The following NRF1 variants were observed in gnomAD, a reference collection of about 807,000 sequenced individuals.
The protein encoded by NRF1 is nuclear respiratory factor 1, also known as alpha palindromic-binding protein.
A neutral mutation model predicts 58.5 loss-of-function variants in NRF1; 5 were observed. The observed-to-expected ratio is 0.09, with a 90% CI of 0.04 to 0.18. The LOEUF (loss-of-function observed/expected upper bound fraction) is 0.18. Ranked by LOEUF, NRF1 falls within the 10% of genes least tolerant of loss-of-function variation. The pLI is 1.00. For synonymous variants in NRF1, 224 were observed against 246.7 expected (o/e 0.91, Z 0.86); for missense variants, 288 against 657.7 (o/e 0.44, Z 6.15).
At chr7:129,675,638 G>T (rs1480411897) in intron 3 of NRF1, among the ~76,000 whole-genome samples, 1 of 152,194 alleles carries the variant, frequency 6.6e-6, no homozygotes, top group Non-Finnish European at 1.5e-5. Context: ...TAGGTGCATT[G>T]TCAATGTGCA....
intron 6 of NRF1, 150 bp from the exon 7 acceptor site, chr7:129,710,224 A>G: frequency 1.5e-6 from 1 of 658,844 alleles, no homozygotes; most frequent in African/African-American, 1.8e-5. Flanking sequence ...TTTCTACCAG[A>G]ACCAGTCTGT....
intron 1 of NRF1, among the ~76,000 whole-genome samples, chr7:129,635,740 G>GT (rs1363858549): frequency 6.6e-6 from 1 of 152,098 alleles, no homozygotes; most frequent in Admixed American, 6.5e-5. Context: ...CCCCCAAGTG[G>GT]TTGTCTAGGT....
chr7:129,619,113 A>G (rs901640274), intron 1 of NRF1, among the ~76,000 whole-genome samples: 11 of 152,022 alleles, frequency 7.2e-5, no homozygotes, highest in Non-Finnish European at 1.6e-4. Context: ...AAGAGCATCT[A>G]CATCTGAGGG....
intron 4 of NRF1, among the ~76,000 whole-genome samples, chr7:129,686,341 AAT>A (rs1802443608): frequency 6.6e-6 from 1 of 152,124 alleles, no homozygotes; most frequent in Non-Finnish European, 1.5e-5. Context: ...AAAAATAAAT[AAT>A]TGGAAAGATT....
chr7:129,682,651 AAG>A (rs1802346735), intron 4 of NRF1, among the ~76,000 whole-genome samples: 1 of 150,066 alleles, frequency 6.7e-6, no homozygotes, highest in Non-Finnish European at 1.5e-5. Flanking sequence ...AAAAAAAAAA[AAG>A]GATCTGGGTG....
chr7:129,723,581 C>T (rs1406205333), intron 9 of NRF1, among the ~76,000 whole-genome samples: 3 of 151,996 alleles, frequency 2.0e-5, no homozygotes, highest in African/African-American at 4.8e-5. Flanking sequence ...TACTTTAAAG[C>T]ACTTTAAAAT....
intron 2 of NRF1, among the ~76,000 whole-genome samples, chr7:129,667,595 A>G (rs1279018101): frequency 1.3e-5 from 2 of 151,720 alleles, no homozygotes; most frequent in Non-Finnish European, 2.9e-5. Flanking sequence ...TTTTATTTAT[A>G]TTATTGTGAA....
At chr7:129,745,008 A>G (rs536410763) in intron 10 of NRF1, among the ~76,000 whole-genome samples, 73 of 152,242 alleles carry the variant, frequency 4.8e-4, no homozygotes, top group African/African-American at 1.6e-3. Context: ...TTGAAGAAAA[A>G]AAAAAGTTTG....
At chr7:129,631,278 G>T (rs1801042842) in intron 1 of NRF1, among the ~76,000 whole-genome samples, 1 of 150,004 alleles carries the variant, frequency 6.7e-6, no homozygotes, top group Non-Finnish European at 1.5e-5. Flanking sequence ...TTGTTACCCT[G>T]ATGTGATCAC....
At chr7:129,744,367 T>A (rs1474553242) in intron 10 of NRF1, 1 of 632,568 alleles carries the variant, frequency 1.6e-6, no homozygotes, top group African/African-American at 1.8e-5. Flanking sequence ...ACCTGATAGT[T>A]TTAGTAACCA....
intron 2 of NRF1, among the ~76,000 whole-genome samples, chr7:129,664,075 A>C (rs1019984780): frequency 2.2e-4 from 32 of 143,440 alleles, no homozygotes; most frequent in African/African-American, 7.6e-4. Flanking sequence ...CAGGGAGCGG[A>C]GATCTTGGCA....
At chr7:129,656,602 T>C (rs1189637659) in intron 1 of NRF1, among the ~76,000 whole-genome samples, 1 of 151,744 alleles carries the variant, frequency 6.6e-6, no homozygotes, top group African/African-American at 2.4e-5. Flanking sequence ...TGAGACAGAG[T>C]CTTGCTCTGT....
intron 10 of NRF1, among the ~76,000 whole-genome samples, chr7:129,743,925 G>A (rs150761437): frequency 1.5e-4 from 23 of 152,292 alleles, no homozygotes; most frequent in African/African-American, 4.8e-4. Flanking sequence ...TTCCAACGGC[G>A]AGGGGGAAAT....
At chr7:129,617,469 AGT>A (rs1467474721) in intron 1 of NRF1, among the ~76,000 whole-genome samples, 1 of 152,178 alleles carries the variant, frequency 6.6e-6, no homozygotes, top group African/African-American at 2.4e-5. Flanking sequence ...TTCAAAGGAG[AGT>A]GAAGCATTCT....
chr7:129,643,551 C>A (rs1801340659), intron 1 of NRF1, among the ~76,000 whole-genome samples: 1 of 152,232 alleles, frequency 6.6e-6, no homozygotes, highest in Admixed American at 6.5e-5. Context: ...CATTCTGACC[C>A]AGTTGCAAAT....
intron 1 of NRF1, among the ~76,000 whole-genome samples, chr7:129,620,744 G>A (rs915937980): frequency 6.6e-6 from 1 of 152,124 alleles, no homozygotes; most frequent in Admixed American, 6.5e-5. Flanking sequence ...GATAGATTGT[G>A]CTTGTTGGAA....
At chr7:129,626,775 A>G (rs1251732186) in intron 1 of NRF1, among the ~76,000 whole-genome samples, 1 of 152,222 alleles carries the variant, frequency 6.6e-6, no homozygotes, top group African/African-American at 2.4e-5. Flanking sequence ...TGATCAGGAA[A>G]TCAGGTACTC....
rs1802214684 is a variant in NRF1, at chr7:129,677,644, C to T, written c.351C>T (p.Ala117=). Residue 117 remains alanine, a synonymous_variant, in exon 4 of 11, where the codon GCC becomes GCT. Coordinates refer to ENST00000393232, the MANE Select transcript of NRF1 (RefSeq NM_005011.5). ...TTTTCTGATTCAGGAAACTTCGAGCCACGTTAGATGAATATACTACTCGTG... is the reference window on the plus strand; with the variant it reads ...TTTTCTGATTCAGGAAACTTCGAGCTACGTTAGATGAATATACTACTCGTG... The part of the protein sequence containing the change: ...QQTRLLRKLR[A]TLDEYTTRVG... 6.2e-7 allele frequency: 1 copy of T among 1,613,348 alleles called. No homozygotes were observed. The highest frequency in any genetic ancestry group is 8.5e-7 in the Non-Finnish European group (1 of 1,179,826).
intron 10 of NRF1, among the ~76,000 whole-genome samples, chr7:129,748,811 T>C (rs1449885143): frequency 6.6e-6 from 1 of 152,234 alleles, no homozygotes; most frequent in Admixed American, 6.5e-5. Context: ...AATAACTAAA[T>C]AAATTCCATT....
Sources: gnomAD v4.1 joint callset for allele counts (sites outside exome capture counted in the v4.1 genomes callset) on GRCh38, gnomAD v4.1.1 for gene constraint, MANE v1.5 for transcripts, NCBI Gene and HGNC (gene_info 2026-07-23, HGNC 2026-07-21) for gene names.